NELL1: variants seen among roughly 807,000 people sequenced by gnomAD.
NELL1 encodes the protein protein kinase C-binding protein NELL1.
In NELL1, 76 loss-of-function variants were observed where a neutral mutation model predicts 107.4. The observed-to-expected ratio is 0.71, with a 90% confidence interval of 0.59 to 0.86. The LOEUF (loss-of-function observed/expected upper bound fraction) is 0.86, where lower values mean the gene tolerates loss of function less well. NELL1 is among the 40% of genes least tolerant of loss of function. The pLI is 0.00. For synonymous variants in NELL1, 353 were observed against 341.2 expected, an observed-to-expected ratio of 1.03 and a Z score of -0.38; for missense variants, 1,024 against 1,005.5, an observed-to-expected ratio of 1.02 and a Z score of -0.25.
intron 15 of NELL1, among the ~76,000 whole-genome samples, chr11:21,479,616 T>G (rs1224376750): frequency 2.6e-5 from 4 of 152,182 alleles, no homozygotes; most frequent in African/African-American, 7.2e-5. Flanking sequence ...ATCTATAATT[T>G]GATAGCATAA....
At chr11:20,887,082 A>G (rs994101746) in intron 5 of NELL1, among the ~76,000 whole-genome samples, 5 of 152,178 alleles carry the variant, frequency 3.3e-5, no homozygotes, top group African/African-American at 1.2e-4. Flanking sequence ...CCAGAATGTT[A>G]TATAAATGGA....
chr11:21,354,897 G>A (rs989124276), intron 14 of NELL1, among the ~76,000 whole-genome samples: 5 of 152,136 alleles, frequency 3.3e-5, no homozygotes, highest in Non-Finnish European at 5.9e-5. Flanking sequence ...ATAAGCGTTG[G>A]CTCTGATATA....
intron 15 of NELL1, among the ~76,000 whole-genome samples, chr11:21,481,116 CATA>C (rs963976508): frequency 6.6e-6 from 1 of 152,062 alleles, no homozygotes; most frequent in African/African-American, 2.4e-5. Context: ...CTGTGTAGCA[CATA>C]ATAAGTGCTC....
chr11:21,032,605 G>A (rs919739965), intron 12 of NELL1, among the ~76,000 whole-genome samples: 1 of 152,098 alleles, frequency 6.6e-6, no homozygotes, highest in African/African-American at 2.4e-5. Context: ...GGCCAGGCTG[G>A]TCTCAAACTC....
intron 15 of NELL1, among the ~76,000 whole-genome samples, chr11:21,493,673 C>T (rs1439368028): frequency 6.6e-6 from 1 of 151,678 alleles, no homozygotes; most frequent in Non-Finnish European, 1.5e-5. Flanking sequence ...GAAATATGCC[C>T]CAATATTTGA....
intron 2 of NELL1, among the ~76,000 whole-genome samples, chr11:20,699,515 C>T (rs1244172366): frequency 6.6e-6 from 1 of 152,194 alleles, no homozygotes; most frequent in Admixed American, 6.5e-5. Context: ...TGCACGCCAC[C>T]ATGCCCAACT....
chr11:21,160,352 G>T (rs1856335710), intron 13 of NELL1, among the ~76,000 whole-genome samples: 1 of 152,088 alleles, frequency 6.6e-6, no homozygotes, highest in African/African-American at 2.4e-5. Flanking sequence ...GGTATTGTTT[G>T]AAATGTCTAC....
chr11:21,486,419 C>T (rs2133907938), intron 15 of NELL1, among the ~76,000 whole-genome samples: 1 of 152,232 alleles, frequency 6.6e-6, no homozygotes, highest in South Asian at 2.1e-4. Flanking sequence ...CTGCACAAAT[C>T]CAGAATCAAA....
At chr11:21,523,553 A>G (rs1458390442) in intron 15 of NELL1, among the ~76,000 whole-genome samples, 1 of 152,138 alleles carries the variant, frequency 6.6e-6, no homozygotes. Context: ...GGATAATTTC[A>G]TCACACTTAT....
At chr11:21,264,182 A>T (rs1471187547) in intron 14 of NELL1, among the ~76,000 whole-genome samples, 3 of 151,780 alleles carry the variant, frequency 2.0e-5, no homozygotes, top group Non-Finnish European at 4.4e-5. Context: ...ATAAAAGCAC[A>T]GGAGAAGAAA....
intron 5 of NELL1, among the ~76,000 whole-genome samples, chr11:20,908,468 C>T (rs1295992767): frequency 6.6e-6 from 1 of 152,096 alleles, no homozygotes; most frequent in Non-Finnish European, 1.5e-5. Context: ...GAAAACCAAA[C>T]ACCACATGTT....
At chr11:21,463,841 C>A (rs375444574) in intron 15 of NELL1, among the ~76,000 whole-genome samples, 1 of 152,086 alleles carries the variant, frequency 6.6e-6, no homozygotes, top group Non-Finnish European at 1.5e-5. Flanking sequence ...GATGGAAAGA[C>A]TCCAGCTGGA....
intron 14 of NELL1, among the ~76,000 whole-genome samples, chr11:21,369,117 A>T (rs555128044): frequency 6.6e-6 from 1 of 152,212 alleles, no homozygotes; most frequent in Admixed American, 6.6e-5. Context: ...TCAACTCTGC[A>T]CTAAAGAAAC....
intron 9 of NELL1, among the ~76,000 whole-genome samples, chr11:20,935,018 G>A (rs1850694038): frequency 1.3e-5 from 2 of 152,066 alleles, no homozygotes; most frequent in Non-Finnish European, 2.9e-5. Context: ...TCTTATCTGT[G>A]GATCAAGAAA....
chr11:21,314,002 C>T (rs963858222), intron 14 of NELL1, among the ~76,000 whole-genome samples: 4 of 112,302 alleles, frequency 3.6e-5, no homozygotes, highest in African/African-American at 7.3e-5. Flanking sequence ...GCCCCCCCCC[C>T]CCCCCCCGCG....
At chr11:20,969,299 C>G (rs914818713) in intron 12 of NELL1, among the ~76,000 whole-genome samples, 2 of 152,160 alleles carry the variant, frequency 1.3e-5, no homozygotes, top group Non-Finnish European at 2.9e-5. Context: ...GCAAAATTCA[C>G]AGTTTCCCCT....
chr11:21,278,089 C>G (rs1848911138), intron 14 of NELL1, among the ~76,000 whole-genome samples: 1 of 151,970 alleles, frequency 6.6e-6, no homozygotes, highest in African/African-American at 2.4e-5. Context: ...AAATCCAACA[C>G]CTATCATTGA....
At chr11:21,032,509 C>T (rs1456257613) in intron 12 of NELL1, among the ~76,000 whole-genome samples, 1 of 152,176 alleles carries the variant, frequency 6.6e-6, no homozygotes, top group Non-Finnish European at 1.5e-5. Context: ...TTGCCTCAGC[C>T]TCCCAGGTAG....
intron 16 of NELL1, among the ~76,000 whole-genome samples, chr11:21,551,600 C>G (rs1015379202): frequency 3.1e-4 from 47 of 151,626 alleles, no homozygotes; most frequent in African/African-American, 9.7e-4. Flanking sequence ...CCATCTCACA[C>G]CAGTTAGAAT....
Sources: allele counts gnomAD v4.1 joint callset (sites outside exome capture counted in the v4.1 genomes callset), GRCh38; gene constraint gnomAD v4.1.1; transcripts MANE v1.5; gene names NCBI Gene and HGNC (gene_info 2026-07-23, HGNC 2026-07-21).